DOCK3: variants seen among roughly 807,000 people sequenced by gnomAD.
DOCK3 encodes dedicator of cytokinesis protein 3.
DOCK3 carries 60 observed loss-of-function variants against 265.6 expected under a neutral mutation model. The ratio of observed to expected loss-of-function variants is 0.23; its 90% CI spans 0.18 to 0.28. The LOEUF (loss-of-function observed/expected upper bound fraction) is 0.28. Ranked by LOEUF, DOCK3 falls within the 10% of genes least tolerant of loss-of-function variation. DOCK3 has a pLI of 1.00. For synonymous variants in DOCK3, 881 were observed against 938.0 expected, an observed-to-expected ratio of 0.94 and a Z score of 1.11; for missense variants, 1,981 against 2,594.3, an observed-to-expected ratio of 0.76 and a Z score of 5.14.
chr3:51,147,262 G>A (rs2085341062), intron 10 of DOCK3, among the ~76,000 whole-genome samples: 1 of 152,160 alleles, frequency 6.6e-6, no homozygotes, highest in Non-Finnish European at 1.5e-5. Context: ...TAGTTTGTTA[G>A]TGAGTTCATA....
chr3:51,103,968 C>T (rs1257824386), intron 9 of DOCK3, among the ~76,000 whole-genome samples: 3 of 151,906 alleles, frequency 2.0e-5, no homozygotes, highest in Admixed American at 6.6e-5. Flanking sequence ...AAATATGCGA[C>T]ATGTTCAATT....
intron 2 of DOCK3, among the ~76,000 whole-genome samples, chr3:50,818,994 T>C (rs2044251236): frequency 6.7e-6 from 1 of 148,822 alleles, no homozygotes; most frequent in Non-Finnish European, 1.5e-5. Flanking sequence ...TAAAACATTC[T>C]CTAGCTTAAA....
chr3:50,815,062 A>T (rs1288016142), intron 2 of DOCK3, among the ~76,000 whole-genome samples: 1 of 152,088 alleles, frequency 6.6e-6, no homozygotes, highest in African/African-American at 2.4e-5. Context: ...TGACCTTGTG[A>T]TCTGCCTTCC....
At chr3:51,199,355 G>A (rs1029472642) in intron 12 of DOCK3, among the ~76,000 whole-genome samples, 1 of 152,238 alleles carries the variant, frequency 6.6e-6, no homozygotes, top group Non-Finnish European at 1.5e-5. Flanking sequence ...CTTTTCCGAT[G>A]GGCTTAAAAA....
At chr3:50,768,229 A>G (rs557981022) in intron 1 of DOCK3, among the ~76,000 whole-genome samples, 1 of 152,270 alleles carries the variant, frequency 6.6e-6, no homozygotes, top group South Asian at 2.1e-4. Context: ...CTGAATGCCT[A>G]TTCAGTATGA....
chr3:50,709,221 T>G (rs2036601942), intron 1 of DOCK3, among the ~76,000 whole-genome samples: 1 of 152,262 alleles, frequency 6.6e-6, no homozygotes, highest in East Asian at 1.9e-4. Flanking sequence ...AGAAATACAC[T>G]TGACTTTGTA....
chr3:50,787,830 A>G, intron 2 of DOCK3: 4 of 1,116,516 alleles, frequency 3.6e-6, no homozygotes, highest in Non-Finnish European at 2.7e-6. Flanking sequence ...CTTCCTCCTC[A>G]TTGTTTAAGA....
At chr3:50,916,264 T>G (rs1453415408) in intron 4 of DOCK3, among the ~76,000 whole-genome samples, 1 of 151,950 alleles carries the variant, frequency 6.6e-6, no homozygotes, top group African/African-American at 2.4e-5. Flanking sequence ...TTAGCTTAAC[T>G]CCTTACTGTT....
intron 32 of DOCK3, among the ~76,000 whole-genome samples, chr3:51,321,195 G>A (rs553980149): frequency 4.6e-5 from 7 of 152,348 alleles, no homozygotes; most frequent in African/African-American, 1.7e-4. Context: ...AGGGTCTGGA[G>A]TGGATGTCAG....
At chr3:50,853,788 C>G (rs899381916) in intron 3 of DOCK3, among the ~76,000 whole-genome samples, 1 of 151,710 alleles carries the variant, frequency 6.6e-6, no homozygotes, top group Non-Finnish European at 1.5e-5. Flanking sequence ...GTGCAGGTAT[C>G]TTTTCGATAA....
intron 9 of DOCK3, among the ~76,000 whole-genome samples, chr3:51,126,176 A>G (rs1277881521): frequency 6.6e-6 from 1 of 152,236 alleles, no homozygotes; most frequent in East Asian, 1.9e-4. Context: ...GGTTTCTTCA[A>G]CCTTCATTCA....
intron 14 of DOCK3, 46 bp from the exon 15 acceptor site, chr3:51,225,603 G>T (rs780655023): frequency 1.3e-6 from 2 of 1,578,946 alleles, no homozygotes; most frequent in South Asian, 1.2e-5. Flanking sequence ...AAATGGGGCA[G>T]TATGGCTTCT....
intron 32 of DOCK3, among the ~76,000 whole-genome samples, chr3:51,328,514 G>C (rs1273982188): frequency 1.3e-5 from 2 of 151,094 alleles, no homozygotes; most frequent in African/African-American, 4.9e-5. Context: ...CAATCCCTAA[G>C]GACCCCAGGT....
chr3:51,376,447 T>C (rs2088139234), intron 51 of DOCK3, among the ~76,000 whole-genome samples: 1 of 152,208 alleles, frequency 6.6e-6, no homozygotes, highest in Non-Finnish European at 1.5e-5. Flanking sequence ...TGTGGCTGTT[T>C]AGAGAGTGGG....
At chr3:51,379,324 G>T in intron 51 of DOCK3, 2 of 939,038 alleles carry the variant, frequency 2.1e-6, no homozygotes, top group Non-Finnish European at 2.5e-6. Context: ...TTAGTTCCAG[G>T]TGCTGGCATG....
chr3:50,764,682 A>T (rs945637888), intron 1 of DOCK3, among the ~76,000 whole-genome samples: 1 of 152,104 alleles, frequency 6.6e-6, no homozygotes, highest in Admixed American at 6.6e-5. Context: ...GATGACACAT[A>T]CCTGTAGTTC....
chr3:51,041,186 ATATATATATATATATATATTTTTTTTTTT>A (rs1363268874), intron 5 of DOCK3, among the ~76,000 whole-genome samples: 7 of 12,026 alleles, frequency 5.8e-4, no homozygotes, highest in African/African-American at 3.3e-3. Context: ...ATATATATAT[ATATATATATATATATATATTTTTTTTTTT>A]TTTTTTTTTT....
At chr3:51,097,876 A>G (rs1057061241) in intron 9 of DOCK3, among the ~76,000 whole-genome samples, 4 of 151,394 alleles carry the variant, frequency 2.6e-5, no homozygotes, top group Non-Finnish European at 5.9e-5. Flanking sequence ...GAGTTCCCTG[A>G]CTCCTTGTGC....
At chr3:50,917,278 T>C (rs1170732002) in intron 4 of DOCK3, among the ~76,000 whole-genome samples, 1 of 152,156 alleles carries the variant, frequency 6.6e-6, no homozygotes, top group Non-Finnish European at 1.5e-5. Context: ...TTGATAAAAC[T>C]TGACTTTTAA....
Sources: allele counts gnomAD v4.1 joint callset (sites outside exome capture counted in the v4.1 genomes callset), GRCh38; gene constraint gnomAD v4.1.1; transcripts MANE v1.5; gene names NCBI Gene and HGNC (gene_info 2026-07-23, HGNC 2026-07-21).